FLRT1: variants seen among roughly 807,000 people sequenced by gnomAD.
FLRT1 encodes fibronectin leucine rich transmembrane protein 1.
FLRT1 carries 14 observed loss-of-function variants against 30.9 expected under a neutral mutation model. That is an observed-to-expected ratio of 0.45 (90% CI 0.30 to 0.71). The LOEUF is 0.71. FLRT1 is among the 30% of genes least tolerant of loss of function. FLRT1 has a pLI of 0.08. For synonymous variants in FLRT1, 368 were observed against 430.4 expected, an observed-to-expected ratio of 0.85 and a Z score of 1.80; for missense variants, 737 against 949.2, an observed-to-expected ratio of 0.78 and a Z score of 2.94.
chr11:64,096,842 G>A lies in FLRT1; in HGVS notation c.-1037-6352G>A, dbSNP rs1944585464. Among the ~76,000 whole-genome samples the A allele has an allele frequency of 6.6e-6, 1 of 152,206 alleles. No individual in the cohort carries two copies. Among genetic ancestry groups the A allele is most frequent in the African/African-American group, 2.4e-5 (1 of 41,470 alleles). Reference sequence around the variant, plus strand: ...TGTCCCCATACCCTCCAAGCACACTGCCAGCTGTGTCCCTTCGAGGGCCTC... The same window carrying A: ...TGTCCCCATACCCTCCAAGCACACTACCAGCTGTGTCCCTTCGAGGGCCTC... On this transcript the variant is annotated intron_variant, in intron 1 of 2. Transcript: ENST00000682287. This position sits in a 1 kb window ranked among gnomAD's most constrained non-coding sequence, Gnocchi z 4.6.
chr11:64,073,688 G>A (rs1356690967), intron 1 of FLRT1, among the ~76,000 whole-genome samples: 3 of 152,224 alleles, frequency 2.0e-5, no homozygotes, highest in South Asian at 4.1e-4. Flanking sequence ...GATGGCATGC[G>A]AGAGTGTGCG....
In FLRT1 at chr11:64,077,768, C is replaced by T. The variant is rs564714130; in HGVS notation, c.-1037-25426C>T. Among the ~76,000 whole-genome samples the T allele has an allele frequency of 1.1e-4, 17 of 152,344 alleles. No individual in the cohort carries two copies. In the South Asian group the frequency reaches 3.3e-3, roughly 30 times the overall value. On this transcript the variant is annotated intron_variant, in intron 1 of 2. Transcript: ENST00000682287. ...ATTGCCGAGGGAGGAGTCCCCAGCCCGTGGCTGGACTGGGCCCTGGCTGGG... is the reference window on the plus strand; with the variant it reads ...ATTGCCGAGGGAGGAGTCCCCAGCCTGTGGCTGGACTGGGCCCTGGCTGGG...
At chr11:64,049,923 G>T (rs140844269) in intron 1 of FLRT1, among the ~76,000 whole-genome samples, 10 of 152,330 alleles carry the variant, frequency 6.6e-5, no homozygotes, top group East Asian at 1.9e-4. Context: ...GTGGCCCCGG[G>T]GGGGAGGCCA....
At chr11:64,063,795 A>C (rs544318121) in intron 1 of FLRT1, among the ~76,000 whole-genome samples, 13 of 152,298 alleles carry the variant, frequency 8.5e-5, no homozygotes, top group African/African-American at 2.9e-4. Context: ...AAAGGCCCCA[A>C]ATGAGACAGC....
chr11:64,058,330 C>A (rs1943830376), intron 1 of FLRT1, among the ~76,000 whole-genome samples: 1 of 152,258 alleles, frequency 6.6e-6, no homozygotes, highest in Non-Finnish European at 1.5e-5. Flanking sequence ...AGCCCCCATC[C>A]GAAGGCTGAC....
chr11:64,064,843 CTCATTCATTCAT>C lies in FLRT1; in HGVS notation c.-1038+28706_-1038+28717del, dbSNP rs71045731. On this transcript the variant is annotated intron_variant, in intron 1 of 2. Transcript: ENST00000682287. The surrounding 1 kb of genome is among the most constrained non-coding windows in gnomAD (Gnocchi z 4.5). ...CAAGAGGCTAGAGTTTCACAAGGACCTCATTCATTCATTCATTCATTCATTCATTCATTTGAT... is the reference window on the plus strand; with the variant it reads ...CAAGAGGCTAGAGTTTCACAAGGACCTCATTCATTCATTCATTCATTTGAT... Among the ~76,000 whole-genome samples the C allele has an allele frequency of 1.0e-4, 15 of 150,448 alleles. No homozygotes were observed. The highest frequency in any genetic ancestry group is 4.6e-4 in the Admixed American group (7 of 15,114).
intron 1 of FLRT1, among the ~76,000 whole-genome samples, chr11:64,071,974 G>C (rs1944115815): frequency 6.6e-6 from 1 of 152,218 alleles, no homozygotes; most frequent in South Asian, 2.1e-4. Flanking sequence ...CTGCCGAGGG[G>C]AACGGGCTGG....
chr11:64,092,336 G>A (rs1944505144), intron 1 of FLRT1, among the ~76,000 whole-genome samples: 1 of 152,252 alleles, frequency 6.6e-6, no homozygotes, highest in Non-Finnish European at 1.5e-5. Context: ...GTCAAGGCCA[G>A]AGACACAGAG....
Position 64,067,047 on chromosome 11 carries a change from C to T in FLRT1, c.-1038+30888C>T, listed in dbSNP as rs1565217223. Among the ~76,000 whole-genome samples the T allele has an allele frequency of 6.6e-6, 1 of 152,192 alleles. No homozygotes were observed. Among genetic ancestry groups the T allele is most frequent in the Non-Finnish European group, 1.5e-5 (1 of 68,040 alleles). ...AGATTGGATGAGGGGCTCAGGGACC[C>T]CCCATGCCCAATGTCCTGGCTCATT... On this transcript the variant is annotated intron_variant, in intron 1 of 2. Transcript: ENST00000682287. The surrounding 1 kb of genome is among the most constrained non-coding windows in gnomAD (Gnocchi z 4.6).
At chr11:64,100,572 G>T (rs182974986) in intron 1 of FLRT1, among the ~76,000 whole-genome samples, 2 of 152,280 alleles carry the variant, frequency 1.3e-5, no homozygotes, top group African/African-American at 4.8e-5. Context: ...TGGCTCTGGC[G>T]GGAGGTGTCT....
chr11:64,110,000 G>A (rs1042025436), intron 2 of FLRT1, among the ~76,000 whole-genome samples: 9 of 152,090 alleles, frequency 5.9e-5, no homozygotes, highest in African/African-American at 1.9e-4. Flanking sequence ...AACTGGATGC[G>A]TCGGGGGCAT....
chr11:64,085,225 G>A lies in FLRT1; in HGVS notation c.-1037-17969G>A, dbSNP rs576589235. Among the ~76,000 whole-genome samples the A allele has an allele frequency of 2.6e-5, 4 of 152,270 alleles. No homozygotes were observed. In the South Asian group the frequency reaches 6.2e-4, roughly 24 times the overall value. On this transcript the variant is annotated intron_variant, in intron 1 of 2. Coordinates refer to ENST00000682287, the MANE Select transcript of FLRT1 (RefSeq NM_013280.5). ...CAGGTGGGGAGCTGGAAGGCTTAGC[G>A]GGGCTCCTTGGAGAGCAGCGCTGTC...
chr11:64,118,025 G>A lies in FLRT1; in HGVS notation c.1758G>A (p.Arg586=). 6.2e-7 allele frequency: 1 copy of A among 1,613,686 alleles called. No homozygotes were observed. The highest frequency in any genetic ancestry group is 8.5e-7 in the Non-Finnish European group (1 of 1,179,942). The part of the protein sequence containing the change: ...YVHQAGELLT[R]ERAYNRGSRK... Reference sequence around the variant, plus strand: ...ACCAGGCTGGCGAGCTGCTGACCCGGGAGAGGGCCTACAACCGGGGCAGCA... The same window carrying A: ...ACCAGGCTGGCGAGCTGCTGACCCGAGAGAGGGCCTACAACCGGGGCAGCA... The change falls in exon 3 of 3, where the codon CGG becomes CGA. Residue 586 remains arginine, a synonymous_variant. Transcript: ENST00000682287.
chr11:64,079,261 G>C (rs1944261172), intron 1 of FLRT1, among the ~76,000 whole-genome samples: 1 of 151,888 alleles, frequency 6.6e-6, no homozygotes, highest in Admixed American at 6.5e-5. Context: ...GGGGTCACAG[G>C]GGCTCCCACC....
intron 1 of FLRT1, among the ~76,000 whole-genome samples, chr11:64,071,030 C>T (rs1944099601): frequency 6.6e-6 from 1 of 152,146 alleles, no homozygotes; most frequent in African/African-American, 2.4e-5. Context: ...CGGCCATACT[C>T]ATCTCTTTAT....
At position 64,046,278 on chromosome 11, in the gene FLRT1, G is replaced by A. The variant is rs115724496; in HGVS notation, c.-1038+10119G>A. The stretch of plus-strand genomic sequence containing the variant: ...AGAAGAGGGACAGGGGCCACCTCCT[G>A]CAGAACCTTCTAGTAGCAAACTTAG... On this transcript the variant is annotated intron_variant, in intron 1 of 2. Coordinates refer to ENST00000682287, the MANE Select transcript of FLRT1 (RefSeq NM_013280.5). Among the ~76,000 whole-genome samples, 434 of 152,300 alleles carry A rather than the reference G, an allele frequency of 2.8e-3. 2 individuals are homozygous for A. Among genetic ancestry groups the A allele is most frequent in the African/African-American group, 9.7e-3 (402 of 41,572 alleles).
At chr11:64,072,085 GAATCGACTGCTGAACT>G (rs1944119372) in intron 1 of FLRT1, among the ~76,000 whole-genome samples, 1 of 152,242 alleles carries the variant, frequency 6.6e-6, no homozygotes. Flanking sequence ...AGCCCGAATC[GAATCGACTGCTGAACT>G]CATAACCGCT....
intron 1 of FLRT1, among the ~76,000 whole-genome samples, chr11:64,069,240 C>T (rs1481381368): frequency 6.6e-6 from 1 of 152,180 alleles, no homozygotes; most frequent in African/African-American, 2.4e-5. Flanking sequence ...TCACCTGGAT[C>T]CGCAGTTCTA....
chr11:64,070,848 G>A (rs12360719), intron 1 of FLRT1, among the ~76,000 whole-genome samples: 24,956 of 152,094 alleles, frequency 0.16, 2,929 homozygotes, highest in East Asian at 0.49. Flanking sequence ...TTGGAAGAGG[G>A]GAGAGGAGGA....
Sources: allele counts gnomAD v4.1 joint callset (sites outside exome capture counted in the v4.1 genomes callset), GRCh38; gene constraint gnomAD v4.1.1; non-coding constraint Gnocchi (gnomAD v3.1); transcripts MANE v1.5; gene names NCBI Gene and HGNC (gene_info 2026-07-23, HGNC 2026-07-21).